Variants in AMPD3 observed in about 807,000 individuals in gnomAD.
AMPD3 encodes the protein AMP deaminase 3.
Under a neutral mutation model 82.3 loss-of-function variants are expected in AMPD3, and 57 were observed. That is an observed-to-expected ratio of 0.69 (90% CI 0.56 to 0.86). The LOEUF (loss-of-function observed/expected upper bound fraction) is 0.86, where lower values mean the gene tolerates loss of function less well. Among genes scored for constraint, AMPD3 ranks in the 40% least tolerant of loss-of-function variants. The probability of loss-of-function intolerance (pLI) is 0.00; values close to 1 mark genes in which losing one functional copy is unlikely to be tolerated. For synonymous variants in AMPD3, 381 were observed against 394.7 expected, an observed-to-expected ratio of 0.97 and a Z score of 0.41; for missense variants, 870 against 1,003.8, an observed-to-expected ratio of 0.87 and a Z score of 1.80.
Position 10,500,130 on chromosome 11 carries a change from C to T in AMPD3, c.1602C>T (p.Asp534=). ...TGGATGATGAGTCCAAGCACAGCGA[C>T]CACATGTTTTCCGACAAGAGCCCAA... ...DSVDDESKHS[D]HMFSDKSPNP... is the part of the protein sequence containing the mutation. The change falls in exon 11 of 15, where the codon GAC becomes GAT. Residue 534 remains aspartate (D), a synonymous_variant. Transcript: ENST00000396553. The T allele has an allele frequency of 1.2e-6, 2 of 1,614,168 alleles. No individual in the cohort carries two copies. The highest frequency in any genetic ancestry group is 1.1e-5 in the South Asian group (1 of 91,086).
At chr11:10,478,326 G>T in intron 2 of AMPD3, 200 bp from the exon 3 acceptor site, 1 of 985,450 alleles carries the variant, frequency 1.0e-6, no homozygotes, top group Non-Finnish European at 1.2e-6. Context: ...ACAGGTAGGG[G>T]TGTCTGGAGG....
At chr11:10,496,117 A>G (rs1849392558) in intron 9 of AMPD3, 1 of 570,266 alleles carries the variant, frequency 1.8e-6, no homozygotes, top group Non-Finnish European at 2.2e-6. Flanking sequence ...GGGTTTCACC[A>G]TCTTGGCCAG....
rs1218385610 is a variant in AMPD3, at chr11:10,485,034, C to T, written c.804C>T (p.Gly268=). Residue 268 remains glycine, a synonymous_variant, in exon 5 of 15, where the codon GGC becomes GGT. Coordinates refer to ENST00000396553, the MANE Select transcript of AMPD3 (RefSeq NM_001025389.2). The part of the protein sequence containing the change: ...MSHILALITD[G]PTKTYCHRRL... ...ACATCCTGGCTCTCATCACCGATGG[C>T]CCCACGTAAGCTAGCTTCTCCGCGG... The T allele has an allele frequency of 1.2e-6, 2 of 1,612,920 alleles. No individual in the cohort carries two copies. The highest frequency in any genetic ancestry group is 1.1e-5 in the South Asian group (1 of 90,978).
intron 2 of AMPD3, among the ~76,000 whole-genome samples, chr11:10,464,791 G>T (rs1353411832): frequency 6.6e-6 from 1 of 152,196 alleles, no homozygotes; most frequent in Non-Finnish European, 1.5e-5. Flanking sequence ...CTTTGTCTGT[G>T]GCACCTCCCA....
chr11:10,502,785 A>T lies in AMPD3; in HGVS notation c.1907A>T (p.Asn636Ile), dbSNP rs770930083. ...QIPIAMSPLSNNSLFLEYSKN... is the reference protein window; with the variant it reads ...QIPIAMSPLSINSLFLEYSKN... Reference sequence around the variant, plus strand: ...CCCATTGCCATGTCTCCTCTTAGCAACAACAGTTTGTTCCTCGAATATTCC... The same window carrying T: ...CCCATTGCCATGTCTCCTCTTAGCATCAACAGTTTGTTCCTCGAATATTCC... Residue 636 changes from asparagine to isoleucine, a missense_variant, in exon 13 of 15, where the codon AAC (asparagine) becomes ATC (isoleucine). By Grantham distance (149) the Asn-to-Ile change is moderately radical. Coordinates refer to ENST00000396553, the MANE Select transcript of AMPD3 (RefSeq NM_001025389.2). 6.2e-7 allele frequency: 1 copy of T among 1,614,160 alleles called. No individual in the cohort carries two copies. The highest frequency in any genetic ancestry group is 1.1e-5 in the South Asian group (1 of 91,080).
chr11:10,496,527 T>A, intron 9 of AMPD3: 1 of 985,402 alleles, frequency 1.0e-6, no homozygotes, highest in African/African-American at 1.7e-5. Flanking sequence ...CATATCTCAG[T>A]CTCTTGGTCA....
intron 3 of AMPD3, 27 bp from the exon 4 acceptor site, chr11:10,482,036 C>A (rs746622729): frequency 3.7e-6 from 6 of 1,613,976 alleles, no homozygotes; most frequent in Admixed American, 1.7e-5. Flanking sequence ...CTGCATGAAC[C>A]CTTTCCTGCC....
upstream of AMPD3, chr11:10,450,975 G>A: frequency 6.5e-7 from 1 of 1,548,378 alleles, no homozygotes; most frequent in South Asian, 1.2e-5. Flanking sequence ...TCTGCCCAGC[G>A]CGTCCCCTTT....
chr11:10,456,411 C>G lies in AMPD3; in HGVS notation c.-6+963C>G. 3 of 1,613,744 alleles carry G rather than the reference C, an allele frequency of 1.9e-6. No homozygotes were observed. The highest frequency in any genetic ancestry group is 2.5e-6 in the Non-Finnish European group (3 of 1,179,696). ...CATGGAGCCAGGCTCAGGTCTGTGT[C>G]GGGGCTTCTGCAAGGGGAGTCTGGC... On this transcript the variant is annotated intron_variant, in intron 1 of 14. Transcript: ENST00000396553. This position sits in a 1 kb window ranked among gnomAD's most constrained non-coding sequence, Gnocchi z 4.3.
At chr11:10,479,482 T>C (rs1456346840) in intron 3 of AMPD3, among the ~76,000 whole-genome samples, 1 of 152,222 alleles carries the variant, frequency 6.6e-6, no homozygotes, top group Non-Finnish European at 1.5e-5. Flanking sequence ...GCTCTTCCTA[T>C]AAAATTTCCC....
intron 8 of AMPD3, 85 bp downstream of exon 8, chr11:10,495,115 GC>G (rs1849355250): frequency 6.2e-7 from 1 of 1,611,384 alleles, no homozygotes; most frequent in African/African-American, 1.3e-5. Context: ...TGTGCCCCTG[GC>G]CCCTTCCCCT....
At chr11:10,489,308 C>G (rs984723355) in intron 6 of AMPD3, among the ~76,000 whole-genome samples, 4 of 152,216 alleles carry the variant, frequency 2.6e-5, no homozygotes, top group African/African-American at 9.6e-5. Flanking sequence ...CTGCCCTGAG[C>G]ATACGTGAAT....
chr11:10,495,016 G>T lies in AMPD3; in HGVS notation c.1252G>T (p.Ala418Ser). 1 of 1,614,202 alleles carries T rather than the reference G, an allele frequency of 6.2e-7. No homozygotes were observed. Among genetic ancestry groups the T allele is most frequent in the South Asian group, 1.1e-5 (1 of 91,082 alleles). The change falls in exon 8 of 15, where the codon GCT becomes TCT. Residue 418 changes from alanine to serine, a missense_variant. Physicochemically the swap from Ala to Ser is moderately conservative, Grantham distance 99. Transcript: ENST00000396553. ...AAACTATCTGGGAGGAGAGTACTTT[G>T]CTCGGATGGTCAAGGTGAGTGAACC... ...TENYLGGEYF[A>S]RMVKEVAREL...
At position 10,494,895 on chromosome 11, in the gene AMPD3, T is replaced by A. The variant is rs1849347007; in HGVS notation, c.1135-4T>A. 1 of 1,613,516 alleles carries A rather than the reference T, an allele frequency of 6.2e-7. No individual in the cohort carries two copies. Among genetic ancestry groups the A allele is most frequent in the African/African-American group, 1.3e-5 (1 of 74,908 alleles). ...GCGTTGATTGGTGTGGTCTCCCCCC[T>A]CAGGGCCGGCAGACATTCCACCGCT... On this transcript the variant is annotated splice_region_variant and splice_polypyrimidine_tract_variant and intron_variant, in intron 7 of 14. Coordinates refer to ENST00000396553, the MANE Select transcript of AMPD3 (RefSeq NM_001025389.2).
intron 2 of AMPD3, among the ~76,000 whole-genome samples, chr11:10,464,694 T>C (rs762839939): frequency 4.6e-5 from 7 of 152,346 alleles, no homozygotes; most frequent in South Asian, 4.1e-4. Flanking sequence ...TTTTGTCTTT[T>C]AGTTTCTCTT....
In AMPD3 at chr11:10,495,691, A is replaced by T. The variant is rs766302802; in HGVS notation, c.1388A>T (p.Tyr463Phe). ...LAYWFIQHKV[Y>F]SPNMRWIIQV... Reference sequence around the variant, plus strand: ...TACTGGTTCATCCAGCACAAGGTCTACTCTCCCAACATGCGCTGGATCATC... The same window carrying T: ...TACTGGTTCATCCAGCACAAGGTCTTCTCTCCCAACATGCGCTGGATCATC... Residue 463 changes from tyrosine (Y) to phenylalanine (F), a missense_variant, in exon 9 of 15, where the codon TAC becomes TTC. By Grantham distance (22) the Tyr-to-Phe change is conservative. Transcript: ENST00000396553. The T allele has an allele frequency of 1.9e-6, 3 of 1,613,766 alleles. No homozygotes were observed. Among genetic ancestry groups the T allele is most frequent in the East Asian group, 2.2e-5 (1 of 44,846 alleles).
chr11:10,502,273 C>G (rs1849600793), intron 12 of AMPD3: 1 of 985,322 alleles, frequency 1.0e-6, no homozygotes, highest in African/African-American at 1.7e-5. Flanking sequence ...TCCACCCCTC[C>G]CATCCCTTCA....
rs753935873 is a variant in AMPD3 at position 10,501,479 on chromosome 11, C to G, written c.1731C>G (p.Gly577=). The G allele has an allele frequency of 2.5e-5, 41 of 1,614,074 alleles. No individual in the cohort carries two copies. Among genetic ancestry groups the G allele is most frequent in the Non-Finnish European group, 3.4e-5 (40 of 1,179,990 alleles). The part of the protein sequence containing the change: ...MVLNNLRRER[G]LSTFLFRPHC... ...ACCCCTTCTCTTACAGGGAGCGCGG[C>G]CTGAGCACGTTCCTGTTCCGGCCGC... is the stretch of plus-strand genomic sequence containing the variant. Residue 577 remains glycine, a synonymous_variant, in exon 12 of 15, where the codon GGC becomes GGG. Transcript: ENST00000396553.
intron 10 of AMPD3, chr11:10,497,621 C>T: frequency 1.0e-6 from 1 of 985,268 alleles, no homozygotes; most frequent in Middle Eastern, 5.2e-4. Flanking sequence ...AGTCTGTGTG[C>T]CCAGAAAGTG....
Sources: allele counts gnomAD v4.1 joint callset (sites outside exome capture counted in the v4.1 genomes callset), GRCh38; gene constraint gnomAD v4.1.1; non-coding constraint Gnocchi (gnomAD v3.1); transcripts MANE v1.5; gene names NCBI Gene and HGNC (gene_info 2026-07-23, HGNC 2026-07-21).